The following INO80E variants were observed in gnomAD, a reference collection of about 807,000 sequenced individuals.
The protein encoded by INO80E is INO80 complex subunit E.
Under a neutral mutation model 27.3 loss-of-function variants are expected in INO80E, and 20 were observed. The observed-to-expected ratio is 0.73, with a 90% CI of 0.51 to 1.06. The LOEUF is 1.06. INO80E is among the 50% of genes least tolerant of loss of function. The pLI is 0.00. For synonymous variants in INO80E, 167 were observed against 145.9 expected, an observed-to-expected ratio of 1.14 and a Z score of -1.04; for missense variants, 357 against 322.8, an observed-to-expected ratio of 1.11 and a Z score of -0.81.
intron 6 of INO80E, 71 bp downstream of exon 6, chr16:30,001,601 C>CG (rs2070359382): frequency 1.3e-5 from 19 of 1,429,836 alleles, no homozygotes; most frequent in Non-Finnish European, 1.8e-5. Context: ...AGGCTGAAGG[C>CG]GGGGGCCTGT....
chr16:30,001,770 T>TC, intron 6 of INO80E: 1 of 485,038 alleles, frequency 2.1e-6, no homozygotes, highest in Non-Finnish European at 3.7e-6. Context: ...CGCCCTTTCA[T>TC]GGCTGCAGTG....
chr16:29,999,392 C>G lies in INO80E; in HGVS notation c.206-1366C>G, dbSNP rs1167604045. The G allele has an allele frequency of 2.0e-5, 3 of 152,302 alleles. No individual in the cohort carries two copies. In the East Asian group the frequency reaches 5.8e-4, roughly 29 times the overall value. The allele number at this position is 152,302 out of a possible 1,614,324, so 9.4% of individuals were successfully genotyped here. ...AAGAGCCAGCGATGCGAGCCCCACT[C>G]CCGTCCTGGAGGCCCACGCCCTGGC... On this transcript the variant is annotated intron_variant, in intron 3 of 6. Coordinates refer to ENST00000563197, the MANE Select transcript of INO80E (RefSeq NM_173618.3).
chr16:29,996,616 A>G lies in INO80E; in HGVS notation c.151A>G (p.Ser51Gly), dbSNP rs1049447798. 3 of 1,581,490 alleles carry G rather than the reference A, an allele frequency of 1.9e-6. No homozygotes were observed. The highest frequency in any genetic ancestry group is 2.6e-6 in the Non-Finnish European group (3 of 1,163,676). Reference sequence around the variant, plus strand: ...ATTACTGAAGGTGTCCCGGGACAAGAGGTGAGGCACGTTGCAGGGGCGGAG... The same window carrying G: ...ATTACTGAAGGTGTCCCGGGACAAGGGGTGAGGCACGTTGCAGGGGCGGAG... Reference protein sequence around the residue: ...RKLLKVSRDKSFLLDRLLQYE... With the variant: ...RKLLKVSRDKGFLLDRLLQYE... Residue 51 changes from serine to glycine, a missense_variant and splice_region_variant, in exon 2 of 7, where the codon AGT becomes GGT. Coordinates refer to ENST00000563197, the MANE Select transcript of INO80E (RefSeq NM_173618.3).
At chr16:30,001,145 G>C (rs188287519) in intron 5 of INO80E, 105 bp downstream of exon 5, 9 of 1,474,332 alleles carry the variant, frequency 6.1e-6, no homozygotes, top group East Asian at 2.4e-5. Flanking sequence ...GGGGACATCT[G>C]TCTGGGTGTG....
At chr16:30,005,120 T>C in intron 6 of INO80E, 101 bp from the exon 7 acceptor site, 1 of 1,307,358 alleles carries the variant, frequency 7.6e-7, no homozygotes, top group Non-Finnish European at 1.0e-6. Flanking sequence ...GCCCAGGGCC[T>C]CTTCCCCCTC....
chr16:29,998,290 CAAA>C (rs796207569), intron 3 of INO80E, among the ~76,000 whole-genome samples: 1 of 77,538 alleles, frequency 1.3e-5, no homozygotes, highest in African/African-American at 3.8e-5. Context: ...GACTCCATCT[CAAA>C]AAAAAAAAAA....
At position 29,996,846 on chromosome 16, in the gene INO80E, A is replaced by G. The variant is rs753124614; in HGVS notation, c.191A>G (p.Asp64Gly). 6.2e-6 allele frequency: 10 copies of G among 1,614,016 alleles called. No homozygotes were observed. Among genetic ancestry groups the G allele is most frequent in the Non-Finnish European group, 7.6e-6 (9 of 1,180,002 alleles). Residue 64 changes from aspartate (D) to glycine (G), a missense_variant, in exon 3 of 7, where the codon GAT (aspartate) becomes GGT (glycine). Asp to Gly is a moderately conservative substitution (Grantham distance 94). Transcript: ENST00000563197. ...CGACTTCTGCAGTACGAGAACGTGG[A>G]TGAAGACTCTTCGGGTGAGCAAGGT... ...LDRLLQYENV[D>G]EDSSDSDATA...
Position 30,001,486 on chromosome 16 carries a change from AGGCCCAAGCGGGAGAAAC to A in INO80E, c.475_492del (p.Lys159_Pro164del). 2.5e-6 allele frequency: 4 copies of A among 1,613,154 alleles called. No homozygotes were observed. Among genetic ancestry groups the A allele is most frequent in the Non-Finnish European group, 3.4e-6 (4 of 1,179,704 alleles). ...GCAGCTGCCCGAGCCCAGTCCCCTG[AGGCCCAAGCGGGAGAAAC>A]GGCCCCGCCTGCCCCGGAAACTCAA... On this transcript the variant is annotated inframe_deletion, in exon 6 of 7. Transcript: ENST00000563197.
chr16:30,005,670 C>G lies in INO80E; in HGVS notation c.*228C>G. On this transcript the variant is annotated 3_prime_UTR_variant, in exon 7 of 7. Transcript: ENST00000563197. Reference sequence around the variant, plus strand: ...AGGGGACAGTTATTTAAACGAGTGGCCGGGAGCATCTGCCACCTGCTGGGG... The same window carrying G: ...AGGGGACAGTTATTTAAACGAGTGGGCGGGAGCATCTGCCACCTGCTGGGG... The G allele has an allele frequency of 1.8e-6, 1 of 560,504 alleles. No individual in the cohort carries two copies. The highest frequency in any genetic ancestry group is 3.1e-6 in the Non-Finnish European group (1 of 322,152). 34.7% of individuals were successfully genotyped at this position (560,504 alleles called of 1,614,324 possible). A position where few individuals can be genotyped will look rare whatever the true frequency, so the allele number is the denominator to read the frequency against.
chr16:29,999,265 C>T (rs1346671552), intron 3 of INO80E: 1 of 152,190 alleles, frequency 6.6e-6, no homozygotes, highest in Non-Finnish European at 1.5e-5. Context: ...CTCTTCCTTC[C>T]CTAGGGGCTT....
At chr16:30,002,687 G>A (rs577565201) in intron 6 of INO80E, 1 of 152,312 alleles carries the variant, frequency 6.6e-6, no homozygotes, top group African/African-American at 2.4e-5. Flanking sequence ...GGGACCACAG[G>A]CTTGGAGGAA....
At chr16:30,004,857 G>C (rs1401674581) in intron 6 of INO80E, among the ~76,000 whole-genome samples, 1 of 152,156 alleles carries the variant, frequency 6.6e-6, no homozygotes, top group Non-Finnish European at 1.5e-5. Context: ...CTGGTGGCAG[G>C]TGGCACCTCC....
At chr16:30,004,847 C>T (rs2070493133) in intron 6 of INO80E, among the ~76,000 whole-genome samples, 2 of 152,164 alleles carry the variant, frequency 1.3e-5, no homozygotes, top group Admixed American at 1.3e-4. Context: ...GGAGAGGAAG[C>T]TGGTGGCAGG....
At position 29,996,506 on chromosome 16, in the gene INO80E, G is replaced by A. The variant is rs1407560806; in HGVS notation, c.82-41G>A. On this transcript the variant is annotated intron_variant, in intron 1 of 6. Transcript: ENST00000563197. The stretch of plus-strand genomic sequence containing the variant: ...GGCCGCTGGTTCCGGGGCCCTTCAC[G>A]GAGGACCGTTGGCCCAGCGCACCCC... 8 of 1,553,634 alleles carry A rather than the reference G, an allele frequency of 5.1e-6. No homozygotes were observed. In the Admixed American group the frequency reaches 1.6e-4, roughly 30 times the overall value.
At chr16:30,004,946 C>T (rs1462737270) in intron 6 of INO80E, among the ~76,000 whole-genome samples, 1 of 152,180 alleles carries the variant, frequency 6.6e-6, no homozygotes, top group Non-Finnish European at 1.5e-5. Context: ...CCAGGCGCCT[C>T]CCTGGAGAGG....
chr16:30,005,096 G>T lies in INO80E; in HGVS notation c.514-125G>T. The T allele has an allele frequency of 5.6e-6, 6 of 1,079,350 alleles. 1 individual carries two copies. The highest frequency in any genetic ancestry group is 7.6e-6 in the Non-Finnish European group (6 of 792,272). 66.9% of individuals were successfully genotyped at this position (1,079,350 alleles called of 1,614,324 possible). ...GGGGCAGGCCCTGAGTGCAGCATGG[G>T]TTGGCCCAGCTGTGCCCAGGGCCTC... On this transcript the variant is annotated intron_variant, in intron 6 of 6. Transcript: ENST00000563197.
At chr16:30,001,738 G>A (rs181506241) in intron 6 of INO80E, 15 of 541,336 alleles carry the variant, frequency 2.8e-5, no homozygotes, top group South Asian at 1.3e-4. Context: ...TGGAGGACCC[G>A]GTGTGCAGAT....
At chr16:29,996,956 GC>G in intron 3 of INO80E, 96 bp downstream of exon 3, 2 of 1,169,344 alleles carry the variant, frequency 1.7e-6, no homozygotes, top group Non-Finnish European at 2.6e-6. Flanking sequence ...GGCTGATGCA[GC>G]CCCCAGTGGT....
At position 30,005,468 on chromosome 16, in the gene INO80E, C is replaced by T. The variant is rs202176231; in HGVS notation, c.*26C>T. ...CCGTGACATCACGCCATGCCCACCA[C>T]GGCCCCGCCCGGCGCCCTCCCCGTG... On this transcript the variant is annotated 3_prime_UTR_variant, in exon 7 of 7. Transcript: ENST00000563197. The T allele has an allele frequency of 2.3e-5, 36 of 1,563,582 alleles. No homozygotes were observed. In the East Asian group the frequency reaches 5.0e-4, roughly 22 times the overall value.
Sources: allele counts gnomAD v4.1 joint callset (sites outside exome capture counted in the v4.1 genomes callset), GRCh38; gene constraint gnomAD v4.1.1; transcripts MANE v1.5; gene names NCBI Gene and HGNC (gene_info 2026-07-23, HGNC 2026-07-21).